SORBS2: variants seen among roughly 807,000 people sequenced by gnomAD.
SORBS2 encodes sorbin and SH3 domain containing 2, also known as sorbin and SH3 domain-containing protein 2.
A neutral mutation model predicts 97.7 loss-of-function variants in SORBS2; 46 were observed. The observed-to-expected ratio is 0.47, with a 90% CI of 0.37 to 0.60. The LOEUF is 0.60. Among genes scored for constraint, SORBS2 ranks in the 20% least tolerant of loss-of-function variants. SORBS2 has a pLI of 0.00. For synonymous variants in SORBS2, 476 were observed against 473.4 expected (o/e 1.01, Z -0.07); for missense variants, 1,316 against 1,282.3 (o/e 1.03, Z -0.40).
chr4:185,861,799 T>G, intron 1 of SORBS2, among the ~76,000 whole-genome samples: 1 of 151,792 alleles, frequency 6.6e-6, no homozygotes. Context: ...AGAAATGGGG[T>G]TTTTGGCCAG....
At chr4:185,743,953 TCTTCTC>T (rs1201109196) in intron 2 of SORBS2, among the ~76,000 whole-genome samples, 3 of 145,498 alleles carry the variant, frequency 2.1e-5, no homozygotes, top group East Asian at 2.1e-4. Flanking sequence ...TCCTCCTCCT[TCTTCTC>T]CTTCTCCTTC....
intron 11 of SORBS2, 146 bp downstream of exon 23, chr4:185,614,685 A>T: frequency 9.8e-7 from 1 of 1,020,458 alleles, no homozygotes; most frequent in Non-Finnish European, 1.4e-6. Flanking sequence ...GGGCTGCCTT[A>T]AAGAGTCCTT....
At chr4:185,749,624 A>C (rs757083196) in intron 2 of SORBS2, among the ~76,000 whole-genome samples, 6 of 152,224 alleles carry the variant, frequency 3.9e-5, no homozygotes, top group Non-Finnish European at 7.3e-5. Flanking sequence ...AATTTTATGG[A>C]GAGAAGAAAC....
At chr4:185,897,407 C>A (rs755016945) in intron 1 of SORBS2, among the ~76,000 whole-genome samples, 1 of 152,164 alleles carries the variant, frequency 6.6e-6, no homozygotes, top group Admixed American at 6.5e-5. Context: ...TTAGACCACA[C>A]CCTTTCGTCC....
intron 1 of SORBS2, among the ~76,000 whole-genome samples, chr4:185,938,669 C>T (rs562419461): frequency 9.2e-5 from 14 of 152,212 alleles, no homozygotes; most frequent in South Asian, 2.1e-4. Context: ...TTACGTTCCA[C>T]CTCCCCGAGA....
At chr4:185,874,127 G>A (rs2099231982) in intron 1 of SORBS2, among the ~76,000 whole-genome samples, 1 of 152,054 alleles carries the variant, frequency 6.6e-6, no homozygotes, top group African/African-American at 2.4e-5. Context: ...TAATAATAAT[G>A]AAAAAATAAA....
rs560515897 is a variant in SORBS2 at position 185,675,940 on chromosome 4, A to G, written c.-46+2483T>C. Among the ~76,000 whole-genome samples the G allele has an allele frequency of 5.9e-5, 9 of 152,244 alleles. No individual in the cohort carries two copies. In the South Asian group the frequency reaches 6.2e-4, roughly 11 times the overall value. ...AGTGGGTGGGGGGATCTTGGTGTCA[A>G]TTAGTTATCTTTTGGAGATTTTCTG... is the stretch of plus-strand genomic sequence containing the variant. On this transcript the variant is annotated intron_variant, in intron 4 of 20. Coordinates refer to the SORBS2 transcript ENST00000284776.
chr4:185,921,785 C>T (rs574669802), intron 1 of SORBS2, among the ~76,000 whole-genome samples: 70 of 152,320 alleles, frequency 4.6e-4, no homozygotes, highest in African/African-American at 1.4e-3. Context: ...GCAAGCCTTC[C>T]GGGATTTCAA....
chr4:185,938,261 G>A (rs561534142), intron 1 of SORBS2, among the ~76,000 whole-genome samples: 12 of 151,930 alleles, frequency 7.9e-5, no homozygotes, highest in Non-Finnish European at 1.3e-4. Context: ...GCCTCCCAAA[G>A]TGCTGAGATT....
At position 185,765,751 on chromosome 4, in the gene SORBS2, A is replaced by C. The variant is rs188249594; in HGVS notation, c.-198+9476T>G. Among the ~76,000 whole-genome samples, 1,508 of 152,318 alleles carry C rather than the reference A, an allele frequency of 9.9e-3. 9 individuals carry two copies. Among genetic ancestry groups the C allele is most frequent in the Non-Finnish European group, 0.017 (1,124 of 68,018 alleles). ...TGAATGTAGACAAGTAGGCATCATC[A>C]ATTTTTTTACCACAGAAAAAGGTAG... On this transcript the variant is annotated intron_variant, in intron 2 of 20. Transcript: ENST00000284776.
At chr4:185,637,056 T>C (rs1051332735) in intron 4 of SORBS2, among the ~76,000 whole-genome samples, 2 of 152,212 alleles carry the variant, frequency 1.3e-5, no homozygotes, top group Non-Finnish European at 2.9e-5. Flanking sequence ...CACTAGCAAG[T>C]CTGGAAATTA....
chr4:185,815,475 C>G (rs1317864230), intron 1 of SORBS2, among the ~76,000 whole-genome samples: 1 of 152,084 alleles, frequency 6.6e-6, no homozygotes, highest in Admixed American at 6.6e-5. Context: ...AATGAAAATA[C>G]AGAATGTGTG....
At chr4:185,596,583 A>G (rs1404673232) in intron 12 of SORBS2, among the ~76,000 whole-genome samples, 10 of 123,242 alleles carry the variant, frequency 8.1e-5, no homozygotes, top group Non-Finnish European at 1.4e-4. Flanking sequence ...CCACCAGGCT[A>G]GAGGTCAGTG....
At chr4:185,911,856 C>G (rs1158789913) in intron 1 of SORBS2, among the ~76,000 whole-genome samples, 1 of 152,170 alleles carries the variant, frequency 6.6e-6, no homozygotes, top group African/African-American at 2.4e-5. Flanking sequence ...GATCAAGAAG[C>G]AATTAGCATC....
intron 1 of SORBS2, among the ~76,000 whole-genome samples, chr4:185,920,720 G>A (rs2099260560): frequency 1.3e-5 from 2 of 152,182 alleles, no homozygotes; most frequent in African/African-American, 2.4e-5. Flanking sequence ...CCTTCAAGAA[G>A]CTAGGATTTT....
intron 2 of SORBS2, among the ~76,000 whole-genome samples, chr4:185,718,242 G>A (rs56009447): frequency 0.24 from 36,658 of 151,526 alleles, 5,212 homozygotes; most frequent in South Asian, 0.41. Flanking sequence ...AAAAAAAAAA[G>A]AAAATATGTA....
At chr4:185,849,130 T>C (rs934440076) in intron 1 of SORBS2, among the ~76,000 whole-genome samples, 1 of 152,130 alleles carries the variant, frequency 6.6e-6, no homozygotes, top group Non-Finnish European at 1.5e-5. Context: ...ACAAGCACTG[T>C]TGTTCCAGGA....
chr4:185,854,823 G>GAGAGAGCC (rs1561237598), intron 1 of SORBS2, among the ~76,000 whole-genome samples: 1 of 152,014 alleles, frequency 6.6e-6, no homozygotes, highest in African/African-American at 2.4e-5. Context: ...GAGAGCCTTA[G>GAGAGAGCC]TTAGTTTACT....
chr4:185,861,822 C>T (rs2099223977), intron 1 of SORBS2, among the ~76,000 whole-genome samples: 1 of 152,144 alleles, frequency 6.6e-6, no homozygotes, highest in South Asian at 2.1e-4. Context: ...TGGTTTTGAA[C>T]TCCTGACCTC....
Sources: allele counts gnomAD v4.1 joint callset (sites outside exome capture counted in the v4.1 genomes callset), GRCh38; gene constraint gnomAD v4.1.1; transcripts MANE v1.5; gene names NCBI Gene and HGNC (gene_info 2026-07-23, HGNC 2026-07-21).